Variants in GSTCD observed in about 807,000 individuals in gnomAD.
The protein encoded by GSTCD is glutathione S-transferase C-terminal domain containing.
Under a neutral mutation model 68.3 loss-of-function variants are expected in GSTCD, and 44 were observed. The observed-to-expected ratio is 0.64, with a 90% CI of 0.51 to 0.83. The LOEUF is 0.83. GSTCD is among the 40% of genes least tolerant of loss of function. The pLI is 0.00. For synonymous variants in GSTCD, 273 were observed against 255.2 expected, an observed-to-expected ratio of 1.07 and a Z score of -0.67; for missense variants, 739 against 735.9, an observed-to-expected ratio of 1.00 and a Z score of -0.05.
intron 8 of GSTCD, among the ~76,000 whole-genome samples, chr4:105,830,074 C>A (rs2112051): frequency 0.61 from 92,731 of 151,952 alleles, 33,835 homozygotes; most frequent in East Asian, 0.9. Flanking sequence ...AAAAAGAAAA[C>A]TGGTAAATCG....
At chr4:105,825,367 T>C (rs1723546000) in intron 7 of GSTCD, among the ~76,000 whole-genome samples, 1 of 152,214 alleles carries the variant, frequency 6.6e-6, no homozygotes, top group African/African-American at 2.4e-5. Context: ...TGACCTCAAG[T>C]GATCCGCTTG....
intron 11 of GSTCD, among the ~76,000 whole-genome samples, chr4:105,844,368 C>T (rs11733223): frequency 6.6e-6 from 1 of 152,240 alleles, no homozygotes; most frequent in Admixed American, 6.5e-5. Flanking sequence ...CATTTCTAAC[C>T]CAGTTTATTC....
chr4:105,814,003 A>G (rs1028846825), intron 5 of GSTCD, among the ~76,000 whole-genome samples: 5 of 152,146 alleles, frequency 3.3e-5, no homozygotes, highest in Non-Finnish European at 7.4e-5. Context: ...CTTTAAAAAA[A>G]TTTGCTAAAT....
chr4:105,749,432 G>C (rs72671886), intron 5 of GSTCD, among the ~76,000 whole-genome samples: 8,141 of 151,904 alleles, frequency 0.054, 248 homozygotes, highest in Middle Eastern at 0.13. Flanking sequence ...TCACTCTAGT[G>C]AGTGTTAAGA....
intron 5 of GSTCD, among the ~76,000 whole-genome samples, chr4:105,758,045 T>A (rs891567359): frequency 2.6e-5 from 4 of 152,294 alleles, no homozygotes; most frequent in African/African-American, 9.6e-5. Flanking sequence ...CTTCACATGG[T>A]TATAGTGTTT....
intron 5 of GSTCD, among the ~76,000 whole-genome samples, chr4:105,802,165 ATTGT>A (rs1185378401): frequency 1.3e-5 from 2 of 152,074 alleles, no homozygotes; most frequent in African/African-American, 2.4e-5. Context: ...ACATCATGAT[ATTGT>A]TTGTTTGGTT....
chr4:105,787,911 C>T (rs1165827019), intron 5 of GSTCD, among the ~76,000 whole-genome samples: 1 of 151,970 alleles, frequency 6.6e-6, no homozygotes, highest in African/African-American at 2.4e-5. Flanking sequence ...TCCATTAGAA[C>T]ATCATAACCT....
rs140843076 is a variant in GSTCD at position 105,729,496 on chromosome 4, G to T, written c.1237G>T (p.Glu413Ter). The T allele has an allele frequency of 6.8e-6, 11 of 1,606,332 alleles. No homozygotes were observed. The highest frequency in any genetic ancestry group is 1.7e-5 in the Admixed American group (1 of 59,824). ...TCTCCCTGCAGCAGTCAGCCCAAAGGAAGGTGAGTTTTCTTTTTTCTTTAA... is the reference window on the plus strand; with the variant it reads ...TCTCCCTGCAGCAGTCAGCCCAAAGTAAGGTGAGTTTTCTTTTTTCTTTAA... ...NVLPAAVSPKEGKMSSDRALR... is the reference protein window; with the variant it reads ...NVLPAAVSPK The change falls in exon 5 of 12, where the codon GAA becomes TAA. Residue 413 changes from glutamate to a stop codon, truncating the protein, a stop_gained. Transcript: ENST00000515279. LOFTEE classifies it high-confidence loss of function.
intron 5 of GSTCD, among the ~76,000 whole-genome samples, chr4:105,765,031 A>T (rs950595197): frequency 6.6e-6 from 1 of 152,032 alleles, no homozygotes; most frequent in Non-Finnish European, 1.5e-5. Context: ...TTTCATTACA[A>T]CTCAATTCAC....
At chr4:105,840,381 C>T in intron 10 of GSTCD, 1 of 242,464 alleles carries the variant, frequency 4.1e-6, no homozygotes, top group Non-Finnish European at 8.6e-6. Context: ...AGTTTCTCAC[C>T]CATTGTCATG....
chr4:105,761,868 T>C (rs1012839056), intron 5 of GSTCD: 1 of 152,254 alleles, frequency 6.6e-6, no homozygotes, highest in African/African-American at 2.4e-5. Context: ...TAAAATCTGC[T>C]TGAATTTGAA....
chr4:105,719,675 GATA>G (rs1213557990), intron 3 of GSTCD, 148 bp downstream of exon 3: 4 of 631,034 alleles, frequency 6.3e-6, no homozygotes, highest in East Asian at 2.8e-5. Context: ...GTAAAATGGT[GATA>G]ATAATAGTAC....
intron 5 of GSTCD, among the ~76,000 whole-genome samples, chr4:105,734,395 C>CT (rs1328435739): frequency 6.6e-6 from 1 of 152,144 alleles, no homozygotes. Flanking sequence ...TCTTTTTACT[C>CT]TTTTTTCTCT....
chr4:105,819,473 G>T (rs1184248594), intron 5 of GSTCD, among the ~76,000 whole-genome samples: 3 of 151,698 alleles, frequency 2.0e-5, no homozygotes, highest in African/African-American at 7.2e-5. Flanking sequence ...ATTCATTTCT[G>T]TTGAGATGCG....
At chr4:105,802,192 C>G (rs1257692239) in intron 5 of GSTCD, among the ~76,000 whole-genome samples, 1 of 152,070 alleles carries the variant, frequency 6.6e-6, no homozygotes, top group Non-Finnish European at 1.5e-5. Context: ...CTTGTTTTGT[C>G]AGAGAAGGTA....
At chr4:105,734,147 A>G (rs977008744) in intron 5 of GSTCD, among the ~76,000 whole-genome samples, 3 of 152,140 alleles carry the variant, frequency 2.0e-5, no homozygotes, top group Admixed American at 2.0e-4. Flanking sequence ...ACTTTGGTGA[A>G]TCTGACAATT....
chr4:105,807,538 A>G (rs1722566239), intron 5 of GSTCD, among the ~76,000 whole-genome samples: 1 of 152,054 alleles, frequency 6.6e-6, no homozygotes, highest in Admixed American at 6.6e-5. Context: ...TAACTTTAAC[A>G]TTTTGAAAAA....
intron 5 of GSTCD, among the ~76,000 whole-genome samples, chr4:105,808,830 G>T (rs999058244): frequency 1.3e-5 from 2 of 151,986 alleles, no homozygotes; most frequent in Non-Finnish European, 2.9e-5. Context: ...GTTCTGCCTG[G>T]GACATGAATC....
intron 1 of GSTCD, among the ~76,000 whole-genome samples, chr4:105,714,024 G>GA (rs768501109): frequency 0.057 from 8,043 of 140,308 alleles, 240 homozygotes; most frequent in Middle Eastern, 0.14. Flanking sequence ...GAATGAAAGT[G>GA]AAAAAAAAAA....
Sources: allele counts gnomAD v4.1 joint callset (sites outside exome capture counted in the v4.1 genomes callset), GRCh38; gene constraint gnomAD v4.1.1; transcripts MANE v1.5; gene names NCBI Gene and HGNC (gene_info 2026-07-23, HGNC 2026-07-21).